PAM: variants seen among roughly 807,000 people sequenced by gnomAD.
The protein encoded by PAM is peptidylglycine alpha-amidating monooxygenase.
PAM carries 72 observed loss-of-function variants against 122.1 expected under a neutral mutation model. That is an observed-to-expected ratio of 0.59 (90% CI 0.49 to 0.72). The LOEUF (loss-of-function observed/expected upper bound fraction) is 0.72. Ranked by LOEUF, PAM falls within the 30% of genes least tolerant of loss-of-function variation. The pLI is 0.00. For synonymous variants in PAM, 389 were observed against 404.4 expected (o/e 0.96, Z 0.46); for missense variants, 1,106 against 1,183.7 (o/e 0.93, Z 0.96).
chr5:102,866,092 G>A lies in PAM; in HGVS notation c.-104G>A, dbSNP rs1785467045. Reference sequence around the variant, plus strand: ...CGCCGCAGGACGCCCGCCGTGCCCGGGCCATGAAGTAGCGGCTGCTGGCGG... The same window carrying A: ...CGCCGCAGGACGCCCGCCGTGCCCGAGCCATGAAGTAGCGGCTGCTGGCGG... On this transcript the variant is annotated 5_prime_UTR_variant, in exon 2 of 26. Transcript: ENST00000438793. 3.0e-6 allele frequency: 2 copies of A among 666,900 alleles called. No homozygotes were observed. Among genetic ancestry groups the A allele is most frequent in the East Asian group, 5.9e-5 (2 of 33,648 alleles). The allele number at this position is 666,900 out of a possible 1,614,324, so 41.3% of individuals were successfully genotyped here.
intron 1 of PAM, among the ~76,000 whole-genome samples, chr5:102,840,695 ATC>A (rs1436004042): frequency 6.6e-6 from 1 of 152,212 alleles, no homozygotes; most frequent in Non-Finnish European, 1.5e-5. Flanking sequence ...TCACTCGTCC[ATC>A]TTCATGATGC....
At chr5:102,979,073 TACAC>T (rs1768819797) in intron 15 of PAM, among the ~76,000 whole-genome samples, 2 of 146,772 alleles carry the variant, frequency 1.4e-5, no homozygotes, top group Non-Finnish European at 3.0e-5. Context: ...CACACACACA[TACAC>T]ACAAACACCC....
chr5:102,775,573 T>C (rs1025409801), intron 1 of PAM, among the ~76,000 whole-genome samples: 2 of 152,144 alleles, frequency 1.3e-5, no homozygotes, highest in African/African-American at 4.8e-5. Context: ...CTTCTACTTA[T>C]GAGTGAGAAC....
chr5:102,783,989 A>T (rs111499436), intron 1 of PAM, among the ~76,000 whole-genome samples: 1 of 151,270 alleles, frequency 6.6e-6, no homozygotes, highest in Non-Finnish European at 1.5e-5. Context: ...CTCCGCCTCC[A>T]GGGTTCACGC....
intron 7 of PAM, among the ~76,000 whole-genome samples, chr5:102,944,310 T>C (rs1756264867): frequency 6.6e-6 from 1 of 152,112 alleles, no homozygotes; most frequent in Non-Finnish European, 1.5e-5. Flanking sequence ...AGGGATGTCT[T>C]GGGGTTCAGT....
chr5:102,996,121 C>T (rs1775626935), intron 16 of PAM, among the ~76,000 whole-genome samples: 1 of 152,084 alleles, frequency 6.6e-6, no homozygotes, highest in Admixed American at 6.6e-5. Context: ...CATTTCTTCC[C>T]AGCCTTATCT....
At chr5:102,769,066 A>AT (rs759453592) in intron 1 of PAM, among the ~76,000 whole-genome samples, 1 of 152,038 alleles carries the variant, frequency 6.6e-6, no homozygotes, top group Non-Finnish European at 1.5e-5. Context: ...ATGACATCTC[A>AT]TTGTAGTTTT....
At chr5:103,011,245 T>C (rs1447915542) in intron 21 of PAM, among the ~76,000 whole-genome samples, 2 of 152,198 alleles carry the variant, frequency 1.3e-5, no homozygotes, top group Non-Finnish European at 2.9e-5. Flanking sequence ...ATGTGGCAAG[T>C]AAAACCTGCA....
chr5:102,983,955 C>A (rs1770837353), intron 15 of PAM, among the ~76,000 whole-genome samples: 1 of 152,172 alleles, frequency 6.6e-6, no homozygotes, highest in Admixed American at 6.5e-5. Flanking sequence ...CCCAGACAAG[C>A]AAAACTTGAG....
chr5:102,916,403 T>C (rs1803102157), intron 5 of PAM, among the ~76,000 whole-genome samples: 1 of 152,022 alleles, frequency 6.6e-6, no homozygotes, highest in Non-Finnish European at 1.5e-5. Context: ...GATTTTAAAA[T>C]ATTTGCCTTG....
rs528900719 is a variant in PAM, at chr5:103,017,336, C to G, written c.2334C>G (p.His778Gln). The change falls in exon 22 of 26, where the codon CAC becomes CAG. Residue 778 changes from histidine (H) to glutamine (Q), a missense_variant and splice_region_variant. This residue lies in a region of PAM where 333 missense variants were observed against 335.6 expected (regional missense o/e 0.99). Transcript: ENST00000438793. ...IIDIFKPVRKHFDMPHDIVAS... is the reference protein window; with the variant it reads ...IIDIFKPVRKQFDMPHDIVAS... Reference sequence around the variant, plus strand: ...TGTGTAGCTTCTTATTTTGGCAGCACTTTGATATGCCTCATGATATTGTTG... The same window carrying G: ...TGTGTAGCTTCTTATTTTGGCAGCAGTTTGATATGCCTCATGATATTGTTG... 6.2e-7 allele frequency: 1 copy of G among 1,601,454 alleles called. No homozygotes were observed. Among genetic ancestry groups the G allele is most frequent in the Non-Finnish European group, 8.6e-7 (1 of 1,168,848 alleles).
Position 102,948,364 on chromosome 5 carries a change from A to AT in PAM, c.576-7dup, listed in dbSNP as rs34520533. The AT allele has an allele frequency of 7.3e-6, 11 of 1,516,182 alleles. No individual in the cohort carries two copies. The highest frequency in any genetic ancestry group is 1.0e-5 in the Non-Finnish European group (11 of 1,096,208). The allele number at this position is 1,516,182 out of a possible 1,614,324, so 93.9% of individuals were successfully genotyped here. A position where few individuals can be genotyped will look rare whatever the true frequency, so the allele number is the denominator to read the frequency against. On this transcript the variant is annotated splice_polypyrimidine_tract_variant and intron_variant, in intron 8 of 25. Coordinates refer to ENST00000438793, the MANE Select transcript of PAM (RefSeq NM_001177306.2). ...TTTTCAGGTATTTTAGAAAAATGTT[A>AT]TTTTTTTCTGCAGACAGCCTTTAAT...
chr5:102,896,052 G>A (rs1019900692), intron 3 of PAM: 2 of 151,664 alleles, frequency 1.3e-5, no homozygotes, highest in South Asian at 4.1e-4. Flanking sequence ...GGAAGCCAAG[G>A]AGGTTTCCAC....
At chr5:103,011,620 C>T (rs897224067) in intron 21 of PAM, among the ~76,000 whole-genome samples, 1 of 152,122 alleles carries the variant, frequency 6.6e-6, no homozygotes, top group African/African-American at 2.4e-5. Context: ...CTGAATAATA[C>T]TCCATTGTGT....
chr5:102,761,978 T>A (rs1459286326), intron 1 of PAM, among the ~76,000 whole-genome samples: 2 of 152,212 alleles, frequency 1.3e-5, no homozygotes, highest in African/African-American at 2.4e-5. Context: ...GCTATTAGGG[T>A]TTGTATAAAG....
At chr5:102,902,739 T>C (rs1286344830) in intron 4 of PAM, among the ~76,000 whole-genome samples, 1 of 151,504 alleles carries the variant, frequency 6.6e-6, no homozygotes, top group South Asian at 2.1e-4. Flanking sequence ...TCCTAATTTA[T>C]ATTTTCTATG....
chr5:102,923,351 T>A (rs1748114304), intron 5 of PAM, among the ~76,000 whole-genome samples: 1 of 152,148 alleles, frequency 6.6e-6, no homozygotes, highest in African/African-American at 2.4e-5. Context: ...TATTTAGGAA[T>A]CTATCACAGT....
chr5:102,956,301 G>A (rs1462285020), intron 12 of PAM, among the ~76,000 whole-genome samples: 1 of 152,082 alleles, frequency 6.6e-6, no homozygotes, highest in African/African-American at 2.4e-5. Context: ...ATATGTGCAT[G>A]TGTGTACACA....
In PAM at chr5:102,880,284, GA is replaced by G. The variant is rs549280640; in HGVS notation, c.210+12902del. ...CAACTGAGTGAGAATCTGTCTCAAG[GA>G]AAAAAAAAAAGTGACATATGACTGC... On this transcript the variant is annotated intron_variant, in intron 3 of 25. Coordinates refer to ENST00000438793, the MANE Select transcript of PAM (RefSeq NM_001177306.2). Among the ~76,000 whole-genome samples, 1,345 of 138,488 alleles carry G rather than the reference GA, an allele frequency of 9.7e-3. 17 individuals are homozygous for G. The highest frequency in any genetic ancestry group is 0.031 in the African/African-American group (1,181 of 37,900). 90.9% of individuals were successfully genotyped at this position (138,488 alleles called of 152,430 possible). A position where few individuals can be genotyped will look rare whatever the true frequency, so the allele number is the denominator to read the frequency against.
Sources: gnomAD v4.1 joint callset for allele counts (sites outside exome capture counted in the v4.1 genomes callset) on GRCh38, gnomAD v4.1.1 for gene constraint, gnomAD v4.1.1 regional missense constraint, MANE v1.5 for transcripts, NCBI Gene and HGNC (gene_info 2026-07-23, HGNC 2026-07-21) for gene names.